VILL: variants seen among roughly 807,000 people sequenced by gnomAD.
The protein encoded by VILL is villin like, also known as villin-like protein.
Under a neutral mutation model 106.3 loss-of-function variants are expected in VILL, and 102 were observed. The observed-to-expected ratio is 0.96, with a 90% CI of 0.82 to 1.13. VILL has a LOEUF of 1.13. Among genes scored for constraint, VILL ranks in the 50% most tolerant of loss-of-function variants. The pLI is 0.00. For synonymous variants in VILL, 431 were observed against 440.3 expected, an observed-to-expected ratio of 0.98 and a Z score of 0.27; for missense variants, 1,076 against 1,116.6, an observed-to-expected ratio of 0.96 and a Z score of 0.52.
chr3:38,006,418 C>T lies in VILL; in HGVS notation c.2206-31C>T, dbSNP rs202017243. On this transcript the variant is annotated intron_variant, in intron 18 of 19. Coordinates refer to ENST00000383759, the MANE Select transcript of VILL (RefSeq NM_015873.4). Reference sequence around the variant, plus strand: ...TCCCTGTGGGCTACTGATTCCCCATCTTCCCCAGCCTGAGGCTCCTCTCTG... The same window carrying T: ...TCCCTGTGGGCTACTGATTCCCCATTTTCCCCAGCCTGAGGCTCCTCTCTG... The T allele has an allele frequency of 5.8e-5, 92 of 1,579,594 alleles. No individual in the cohort carries two copies. In the East Asian group the frequency reaches 2.0e-3, roughly 34 times the overall value.
intron 11 of VILL, among the ~76,000 whole-genome samples, chr3:38,000,696 A>G (rs1358381695): frequency 6.6e-6 from 1 of 152,206 alleles, no homozygotes; most frequent in African/African-American, 2.4e-5. Flanking sequence ...GGTAATTGCC[A>G]CTGTTAGGTG....
chr3:38,005,884 C>A lies in VILL; in HGVS notation c.2043C>A (p.Ser681Arg). The change falls in exon 17 of 20, where the codon AGC becomes AGA. Residue 681 changes from serine to arginine, a missense_variant. Coordinates refer to ENST00000383759, the MANE Select transcript of VILL (RefSeq NM_015873.4). The stretch of plus-strand genomic sequence containing the variant: ...TGAAGACTCACCCAGCAGGGAGGAG[C>A]CCGGCCACACCCATCGTGCTGGTCA... The part of the protein sequence containing the change: ...EYLKTHPAGR[S>R]PATPIVLVKQ... 1.2e-6 allele frequency: 2 copies of A among 1,614,142 alleles called. No homozygotes were observed. Among genetic ancestry groups the A allele is most frequent in the Non-Finnish European group, 1.7e-6 (2 of 1,179,996 alleles).
chr3:37,989,076 G>T (rs56264852), upstream of VILL, among the ~76,000 whole-genome samples: 24,282 of 152,144 alleles, frequency 0.16, 2,046 homozygotes, highest in South Asian at 0.26. Context: ...GAGCAGGCAG[G>T]AGGCGTGAGA....
rs759711919 is a variant in VILL, at chr3:37,997,504, C to T, written c.583C>T (p.Leu195Phe). 6.2e-7 allele frequency: 1 copy of T among 1,614,008 alleles called. No individual in the cohort carries two copies. The highest frequency in any genetic ancestry group is 2.2e-5 in the East Asian group (1 of 44,882). The change falls in exon 7 of 20, where the codon CTC becomes TTC. Residue 195 changes from leucine to phenylalanine, a missense_variant. By Grantham distance (22) the Leu-to-Phe change is conservative (BLOSUM62 0). Transcript: ENST00000383759. The surrounding 1 kb of genome is among the most constrained non-coding windows in gnomAD (Gnocchi z 4.7). ...GCAGGGGCTGGCTTTGACCTACAGC[C>T]TCCGGGACAGGGAACGTGGTGGTGG... The part of the protein sequence containing the change: ...KARGLALTYS[L>F]RDRERGGGRA...
In VILL at chr3:38,005,787, C is replaced by T. The variant is rs576388665; in HGVS notation, c.1951-5C>T. The T allele has an allele frequency of 1.9e-6, 3 of 1,605,864 alleles. No individual in the cohort carries two copies. Among genetic ancestry groups the T allele is most frequent in the Admixed American group, 3.4e-5 (2 of 59,420 alleles). ...GCCCAAGGCCAGGTCCCCTCTGTGG[C>T]TCAGATCTTCCTGTGGCTTGGGGAA... On this transcript the variant is annotated splice_region_variant and splice_polypyrimidine_tract_variant and intron_variant, in intron 16 of 19. Transcript: ENST00000383759.
chr3:37,992,223 G>A (rs1699620720), intron 1 of VILL, among the ~76,000 whole-genome samples: 3 of 152,088 alleles, frequency 2.0e-5, no homozygotes, highest in Non-Finnish European at 2.9e-5. Context: ...TGCCTGCCTG[G>A]GCCTCTGGTA....
chr3:37,989,224 C>T (rs978348599), upstream of VILL, among the ~76,000 whole-genome samples: 2 of 152,070 alleles, frequency 1.3e-5, no homozygotes, highest in Non-Finnish European at 2.9e-5. Flanking sequence ...TCCTGGGGCT[C>T]AGAGAGGGTA....
At chr3:38,000,016 G>T (rs1405044645) in intron 11 of VILL, among the ~76,000 whole-genome samples, 1 of 152,278 alleles carries the variant, frequency 6.6e-6, no homozygotes, top group East Asian at 1.9e-4. Context: ...TCTGTAGAGG[G>T]TGTGGTTGTA....
intron 18 of VILL, 74 bp downstream of exon 18, chr3:38,006,326 G>C: frequency 6.2e-7 from 1 of 1,609,332 alleles, no homozygotes; most frequent in Non-Finnish European, 8.5e-7. Flanking sequence ...GGCAGGGGAA[G>C]TGCCAGGCCC....
In VILL at chr3:37,997,628, C is replaced by T. The variant is rs754679315; in HGVS notation, c.707C>T (p.Ala236Val). Residue 236 changes from alanine (A) to valine (V), a missense_variant, in exon 7 of 20, where the codon GCC becomes GTC. Coordinates refer to ENST00000383759, the MANE Select transcript of VILL (RefSeq NM_015873.4). This position sits in a 1 kb window ranked among gnomAD's most constrained non-coding sequence, Gnocchi z 4.7. ...GGCCGCAGGGTGGGCAGCCTGCGTGCCGCCACGCCCAGCAAGGATATCAAC... is the reference window on the plus strand; with the variant it reads ...GGCCGCAGGGTGGGCAGCCTGCGTGTCGCCACGCCCAGCAAGGATATCAAC... ...VLGRRVGSLR[A>V]ATPSKDINQL... 1.9e-6 allele frequency: 3 copies of T among 1,613,224 alleles called. No individual in the cohort carries two copies. In the South Asian group the frequency reaches 3.3e-5, roughly 18 times the overall value.
At position 37,997,487 on chromosome 3, in the gene VILL, T is replaced by A; in HGVS notation, c.566T>A (p.Leu189Gln). The change falls in exon 7 of 20, where the codon CTG becomes CAG. Residue 189 changes from leucine to glutamine, a missense_variant. Leu to Gln is a moderately radical substitution (Grantham distance 113). Transcript: ENST00000383759. This position sits in a 1 kb window ranked among gnomAD's most constrained non-coding sequence, Gnocchi z 4.7. ...KTSISEKARG[L>Q]ALTYSLRDRE... ...CTCCCAGGTCCTCTCCCGCAGGGGC[T>A]GGCTTTGACCTACAGCCTCCGGGAC... The A allele has an allele frequency of 6.2e-7, 1 of 1,613,712 alleles. No individual in the cohort carries two copies. Among genetic ancestry groups the A allele is most frequent in the Non-Finnish European group, 8.5e-7 (1 of 1,179,990 alleles).
Position 38,005,779 on chromosome 3 carries a change from C to T in VILL, c.1951-13C>T. 6.2e-7 allele frequency: 1 copy of T among 1,601,714 alleles called. No homozygotes were observed. The highest frequency in any genetic ancestry group is 8.5e-7 in the Non-Finnish European group (1 of 1,173,648). Reference sequence around the variant, plus strand: ...CTCCACCTGCCCAAGGCCAGGTCCCCTCTGTGGCTCAGATCTTCCTGTGGC... The same window carrying T: ...CTCCACCTGCCCAAGGCCAGGTCCCTTCTGTGGCTCAGATCTTCCTGTGGC... On this transcript the variant is annotated splice_polypyrimidine_tract_variant and intron_variant, in intron 16 of 19. Transcript: ENST00000383759.
At chr3:38,002,880 G>C (rs1699845055) in intron 14 of VILL, 1 of 529,444 alleles carries the variant, frequency 1.9e-6, no homozygotes, top group African/African-American at 1.9e-5. Flanking sequence ...CCAGTTTGCT[G>C]GAGTTTTCTC....
chr3:37,991,420 A>G (rs1215415464), intron 1 of VILL, among the ~76,000 whole-genome samples: 1 of 150,264 alleles, frequency 6.7e-6, no homozygotes, highest in Non-Finnish European at 1.5e-5. Context: ...GGTGTAGGGG[A>G]AGACAGGGAA....
rs1699866623 is a variant in VILL at position 38,003,936 on chromosome 3, G to A, written c.1806-319G>A. On this transcript the variant is annotated intron_variant, in intron 15 of 19. Coordinates refer to ENST00000383759, the MANE Select transcript of VILL (RefSeq NM_015873.4). ...CGGAGACCTACTCTCTGCCAGGGGT[G>A]GGCTGAGGAGCTCCTCCCATCCCAG... 2.9e-5 allele frequency: 8 copies of A among 276,302 alleles called. No individual in the cohort carries two copies. In the South Asian group the frequency reaches 6.5e-4, roughly 23 times the overall value. The allele number at this position is 276,302 out of a possible 1,614,324, so 17.1% of individuals were successfully genotyped here.
rs1163529169 is a variant in VILL at position 38,006,740 on chromosome 3, CACTG to C, written c.2457+42_2457+45del. The stretch of plus-strand genomic sequence containing the variant: ...ACTGCCCCAGCACTAGTGCATCTGA[CACTG>C]AGCTGGAGGAGCCCAAGGCAGGATC... On this transcript the variant is annotated intron_variant, in intron 19 of 19. Coordinates refer to ENST00000383759, the MANE Select transcript of VILL (RefSeq NM_015873.4). 3 of 1,570,202 alleles carry C rather than the reference CACTG, an allele frequency of 1.9e-6. No homozygotes were observed. In the African/African-American group the frequency reaches 4.1e-5, roughly 21 times the overall value.
intron 4 of VILL, among the ~76,000 whole-genome samples, chr3:37,995,049 G>A (rs1699676122): frequency 6.6e-6 from 1 of 152,132 alleles, no homozygotes; most frequent in Non-Finnish European, 1.5e-5. Context: ...CTGTTTTTAT[G>A]AACATTTGTA....
chr3:38,005,254 A>T (rs1415230839), intron 16 of VILL, among the ~76,000 whole-genome samples: 3 of 150,510 alleles, frequency 2.0e-5, no homozygotes, highest in African/African-American at 7.4e-5. Context: ...GCCAGCCCCA[A>T]CTCTTTGACC....
chr3:38,006,424 C>T (rs1455672154), intron 18 of VILL, 25 bp from the exon 19 acceptor site: 6 of 1,582,060 alleles, frequency 3.8e-6, no homozygotes, highest in African/African-American at 1.3e-5. Flanking sequence ...CCATCTTCCC[C>T]AGCCTGAGGC....
Sources: gnomAD v4.1 joint callset for allele counts (sites outside exome capture counted in the v4.1 genomes callset) on GRCh38, gnomAD v4.1.1 for gene constraint, Gnocchi (gnomAD v3.1) non-coding constraint, MANE v1.5 for transcripts, NCBI Gene and HGNC (gene_info 2026-07-23, HGNC 2026-07-21) for gene names.